FAT3: variants seen among roughly 807,000 people sequenced by gnomAD.
FAT3 encodes protocadherin Fat 3.
Under a neutral mutation model 310.2 loss-of-function variants are expected in FAT3, and 95 were observed. The ratio of observed to expected loss-of-function variants is 0.31; its 90% CI spans 0.26 to 0.36. The LOEUF (loss-of-function observed/expected upper bound fraction) is 0.36. FAT3 is among the 10% of genes least tolerant of loss of function. The pLI is 1.00. For missense variants in FAT3, 5,408 were observed against 5,715.6 expected (o/e 0.95, Z 1.74); for synonymous variants, 2,314 against 2,192.9 (o/e 1.06, Z -1.54).
At chr11:92,594,132 C>T (rs562419274) in intron 3 of FAT3, among the ~76,000 whole-genome samples, 30 of 152,234 alleles carry the variant, frequency 2.0e-4, no homozygotes, top group African/African-American at 6.0e-4. Flanking sequence ...CATCCTGTAA[C>T]GTACACTGCT....
chr11:92,345,293 A>G (rs994401770), intron 1 of FAT3, among the ~76,000 whole-genome samples: 1 of 152,192 alleles, frequency 6.6e-6, no homozygotes, highest in African/African-American at 2.4e-5. Flanking sequence ...TATAAGAAGA[A>G]ATAAGGCCCA....
intron 2 of FAT3, among the ~76,000 whole-genome samples, chr11:92,429,446 C>G (rs1950714126): frequency 6.6e-6 from 1 of 152,032 alleles, no homozygotes; most frequent in Non-Finnish European, 1.5e-5. Flanking sequence ...TTATTTTGCC[C>G]ATTAGTTGAT....
chr11:92,584,958 G>C (rs1939052945), intron 3 of FAT3, among the ~76,000 whole-genome samples: 1 of 151,964 alleles, frequency 6.6e-6, no homozygotes, highest in South Asian at 2.1e-4. Context: ...TTGAGCTAGA[G>C]ATTTGTAATA....
At chr11:92,492,581 A>G (rs1401354741) in intron 2 of FAT3, among the ~76,000 whole-genome samples, 3 of 151,976 alleles carry the variant, frequency 2.0e-5, no homozygotes, top group Non-Finnish European at 4.4e-5. Flanking sequence ...GAGCACTTTA[A>G]TCTATGGTTT....
chr11:92,552,835 A>G (rs1954869222), intron 3 of FAT3, among the ~76,000 whole-genome samples: 1 of 152,132 alleles, frequency 6.6e-6, no homozygotes, highest in African/African-American at 2.4e-5. Flanking sequence ...CTGTAATCCC[A>G]GCTACAGGGG....
chr11:92,474,005 T>A (rs1018137770), intron 2 of FAT3, among the ~76,000 whole-genome samples: 2 of 152,194 alleles, frequency 1.3e-5, no homozygotes, highest in African/African-American at 2.4e-5. Flanking sequence ...ACCACATAGA[T>A]GCCTTGTCAT....
At chr11:92,256,175 A>G (rs912302918) in intron 1 of FAT3, among the ~76,000 whole-genome samples, 1 of 151,900 alleles carries the variant, frequency 6.6e-6, no homozygotes, top group Non-Finnish European at 1.5e-5. Flanking sequence ...TTTCTCTTTG[A>G]TTTAGGATCT....
intron 1 of FAT3, among the ~76,000 whole-genome samples, chr11:92,232,386 G>A (rs1167268108): frequency 6.6e-6 from 1 of 152,180 alleles, no homozygotes; most frequent in Non-Finnish European, 1.5e-5. Flanking sequence ...ATTTCAGAAT[G>A]TCAATTAAAT....
chr11:92,339,620 T>C (rs531530803), intron 1 of FAT3, among the ~76,000 whole-genome samples: 6 of 152,236 alleles, frequency 3.9e-5, no homozygotes, highest in South Asian at 2.1e-4. Context: ...CCAGACCTAA[T>C]TGTGGAGATG....
chr11:92,845,985 A>C (rs1280336190), intron 19 of FAT3, among the ~76,000 whole-genome samples: 2 of 152,232 alleles, frequency 1.3e-5, no homozygotes, highest in Non-Finnish European at 2.9e-5. Flanking sequence ...AGGGATGTCC[A>C]GACTTGTTTA....
chr11:92,767,179 G>A (rs1946334959), intron 6 of FAT3, among the ~76,000 whole-genome samples: 1 of 151,612 alleles, frequency 6.6e-6, no homozygotes, highest in Admixed American at 6.6e-5. Flanking sequence ...AACCCGGGAG[G>A]TGGAGGTTGC....
intron 3 of FAT3, among the ~76,000 whole-genome samples, chr11:92,665,983 C>T (rs1290700811): frequency 6.6e-6 from 1 of 152,102 alleles, no homozygotes; most frequent in Non-Finnish European, 1.5e-5. Flanking sequence ...CCAGCCTGGA[C>T]AACATAGCAA....
intron 1 of FAT3, among the ~76,000 whole-genome samples, chr11:92,288,418 C>T (rs1167352646): frequency 6.6e-6 from 1 of 152,100 alleles, no homozygotes; most frequent in Non-Finnish European, 1.5e-5. Flanking sequence ...TGGGTCTATC[C>T]TCTGTTTTAG....
At chr11:92,242,913 A>G (rs1225244817) in intron 1 of FAT3, among the ~76,000 whole-genome samples, 2 of 151,864 alleles carry the variant, frequency 1.3e-5, no homozygotes, top group Non-Finnish European at 1.5e-5. Flanking sequence ...TTAGAAGGAA[A>G]TGTTATTTTA....
At chr11:92,258,685 T>C (rs760452118) in intron 1 of FAT3, among the ~76,000 whole-genome samples, 7 of 152,072 alleles carry the variant, frequency 4.6e-5, no homozygotes, top group Admixed American at 3.3e-4. Flanking sequence ...CTAAAAAATG[T>C]GAGCATCTTA....
intron 3 of FAT3, among the ~76,000 whole-genome samples, chr11:92,619,837 A>G (rs1351166762): frequency 4.0e-5 from 6 of 151,046 alleles, no homozygotes; most frequent in Non-Finnish European, 8.9e-5. Context: ...CTTTTTTTCT[A>G]TTTCATTGAT....
At chr11:92,615,231 T>C (rs1372465907) in intron 3 of FAT3, among the ~76,000 whole-genome samples, 1 of 152,188 alleles carries the variant, frequency 6.6e-6, no homozygotes, top group African/African-American at 2.4e-5. Context: ...TAATTTCTTT[T>C]CTTCTTATTA....
At chr11:92,403,706 A>G (rs1199813635) in intron 2 of FAT3, among the ~76,000 whole-genome samples, 1 of 152,166 alleles carries the variant, frequency 6.6e-6, no homozygotes, top group Non-Finnish European at 1.5e-5. Flanking sequence ...CATTTGCTCC[A>G]TCAGCAGAGA....
intron 22 of FAT3, among the ~76,000 whole-genome samples, chr11:92,879,725 T>TA (rs144768006): frequency 0.029 from 4,314 of 151,334 alleles, 109 homozygotes; most frequent in African/African-American, 0.074. Context: ...AGGTTTGAAA[T>TA]AAAAAAAAGC....
Sources: allele counts gnomAD v4.1 joint callset (sites outside exome capture counted in the v4.1 genomes callset), GRCh38; gene constraint gnomAD v4.1.1; transcripts MANE v1.5; gene names NCBI Gene and HGNC (gene_info 2026-07-23, HGNC 2026-07-21).